Variants in RYR2 observed in about 807,000 individuals in gnomAD.
RYR2 encodes the protein ryanodine receptor 2, also known as cardiac muscle ryanodine receptor-calcium release channel.
Under a neutral mutation model 601.1 loss-of-function variants are expected in RYR2, and 227 were observed. The ratio of observed to expected loss-of-function variants is 0.38; its 90% confidence interval spans 0.34 to 0.42. The LOEUF is 0.42. Among genes scored for constraint, RYR2 ranks in the 10% least tolerant of loss-of-function variants. The pLI is 1.00. For synonymous variants in RYR2, 2,223 were observed against 2,175.1 expected, an observed-to-expected ratio of 1.02 and a Z score of -0.61; for missense variants, 4,646 against 6,156.5, an observed-to-expected ratio of 0.75 and a Z score of 8.21.
chr1:237,405,785 G>A (rs1429474889), intron 10 of RYR2, among the ~76,000 whole-genome samples: 2 of 151,726 alleles, frequency 1.3e-5, no homozygotes, highest in African/African-American at 4.8e-5. Flanking sequence ...CCTGTTTACT[G>A]TGATTTGAGG....
In RYR2 at chr1:237,711,890, A is replaced by G. The variant is rs140995784; in HGVS notation, c.10323+53A>G. 347 of 833,570 alleles carry G rather than the reference A, an allele frequency of 4.2e-4. 2 individuals carry two copies. Among genetic ancestry groups the G allele is most frequent in the African/African-American group, 3.2e-3 (185 of 58,530 alleles). The allele number at this position is 833,570 out of a possible 1,614,324, so 51.6% of individuals were successfully genotyped here. The stretch of plus-strand genomic sequence containing the variant: ...TGGAAAATATCTGAATGTGACTTTC[A>G]TGAATTGACTTTTTTTTTTTAGATT... On this transcript the variant is annotated intron_variant, in intron 71 of 104. Coordinates refer to ENST00000366574, the MANE Select transcript of RYR2 (RefSeq NM_001035.3).
At chr1:237,112,108 C>T (rs892029527) in intron 1 of RYR2, among the ~76,000 whole-genome samples, 3 of 152,002 alleles carry the variant, frequency 2.0e-5, no homozygotes, top group Admixed American at 6.6e-5. Flanking sequence ...TTGCTACTTC[C>T]CCTACTCTTT....
intron 79 of RYR2, among the ~76,000 whole-genome samples, chr1:237,735,955 A>G (rs1691103909): frequency 6.6e-6 from 1 of 152,262 alleles, no homozygotes; most frequent in Admixed American, 6.5e-5. Context: ...GTATATTTAT[A>G]GAAACATAAA....
chr1:237,799,174 T>C (rs1346659356), intron 97 of RYR2, among the ~76,000 whole-genome samples: 1 of 152,180 alleles, frequency 6.6e-6, no homozygotes, highest in Non-Finnish European at 1.5e-5. Flanking sequence ...TCCAAAATAT[T>C]ACTTGAGTAC....
intron 17 of RYR2, 56 bp downstream of exon 17, chr1:237,469,243 T>G: frequency 3.0e-6 from 2 of 658,520 alleles, no homozygotes; most frequent in Non-Finnish European, 2.4e-6. Context: ...TTTCTTTGCT[T>G]CGTATCCTTT....
Position 237,660,861 on chromosome 1 carries a change from G to T in RYR2, c.8350G>T (p.Ala2784Ser), listed in dbSNP as rs1458501318. The T allele has an allele frequency of 2.6e-6, 4 of 1,546,120 alleles. No individual in the cohort carries two copies. In the East Asian group the frequency reaches 9.8e-5, roughly 38 times the overall value. The change falls in exon 56 of 105, where the codon GCT becomes TCT. Residue 2784 changes from alanine (A) to serine (S), a missense_variant. Around this residue, in one of 17 missense-constraint regions of RYR2, gnomAD observed 1,497 missense variants for 1,842.6 expected, o/e 0.81. Coordinates refer to ENST00000366574, the MANE Select transcript of RYR2 (RefSeq NM_001035.3). The stretch of plus-strand genomic sequence containing the variant: ...CAAAGAATCTTTAAAAACTATGCTG[G>T]CTTGGGGCTGGAGAATTGAAAGAAC... ...PIKESLKTML[A>S]WGWRIERTRE...
intron 14 of RYR2, among the ~76,000 whole-genome samples, chr1:237,450,086 T>C (rs1355308236): frequency 6.6e-6 from 1 of 152,142 alleles, no homozygotes; most frequent in Non-Finnish European, 1.5e-5. Context: ...AGTTTTCCAG[T>C]CTGGCTGCTG....
At chr1:237,168,120 T>C (rs1383243972) in intron 1 of RYR2, among the ~76,000 whole-genome samples, 10 of 152,148 alleles carry the variant, frequency 6.6e-5, no homozygotes, top group Non-Finnish European at 1.3e-4. Flanking sequence ...CAGTGTGTCT[T>C]GGAAAAGGCC....
intron 29 of RYR2, among the ~76,000 whole-genome samples, chr1:237,578,931 C>G (rs1673579010): frequency 6.6e-6 from 1 of 152,128 alleles, no homozygotes; most frequent in African/African-American, 2.4e-5. Context: ...TCCTTGATGA[C>G]CTCTTGGGTT....
chr1:237,447,538 A>C (rs1188941277), intron 14 of RYR2, among the ~76,000 whole-genome samples: 2 of 152,166 alleles, frequency 1.3e-5, no homozygotes, highest in African/African-American at 4.8e-5. Context: ...GTCATGATAA[A>C]ATAGGATGGT....
intron 100 of RYR2, among the ~76,000 whole-genome samples, chr1:237,816,401 C>T (rs1368127705): frequency 6.6e-6 from 1 of 152,094 alleles, no homozygotes; most frequent in Non-Finnish European, 1.5e-5. Context: ...AAAAGCAATC[C>T]AGGCTAGGCA....
chr1:237,146,583 C>G (rs1417212622), intron 1 of RYR2, among the ~76,000 whole-genome samples: 1 of 152,170 alleles, frequency 6.6e-6, no homozygotes, highest in African/African-American at 2.4e-5. Context: ...TTTTTCTTGA[C>G]TAGTTCAATT....
chr1:237,801,801 T>TA, intron 97 of RYR2, 55 bp from the exon 98 acceptor site: 1 of 1,145,316 alleles, frequency 8.7e-7, no homozygotes, highest in Non-Finnish European at 1.3e-6. Context: ...CTCGCAAGCC[T>TA]ATGAGTCTTT....
chr1:237,648,972 T>C (rs918412156), intron 49 of RYR2, among the ~76,000 whole-genome samples: 2 of 152,224 alleles, frequency 1.3e-5, no homozygotes, highest in African/African-American at 4.8e-5. Context: ...TAAACAATTA[T>C]GCTTCTCAAT....
In RYR2 at chr1:237,327,123, G is replaced by T. The variant is rs568437555; in HGVS notation, c.169-3755G>T. ...ACAGACAACACTACAAATCTCTGATGTGTATTAAGTTTTCCTGAAAGGTAA... is the reference window on the plus strand; with the variant it reads ...ACAGACAACACTACAAATCTCTGATTTGTATTAAGTTTTCCTGAAAGGTAA... On this transcript the variant is annotated intron_variant, in intron 2 of 104. Transcript: ENST00000366574. Among the ~76,000 whole-genome samples the T allele has an allele frequency of 9.2e-5, 14 of 152,182 alleles. No individual in the cohort carries two copies. The East Asian group carries it at 1.9e-3, about 21-fold the overall frequency.
intron 17 of RYR2, among the ~76,000 whole-genome samples, chr1:237,486,066 A>G (rs1662654259): frequency 6.6e-6 from 1 of 152,192 alleles, no homozygotes; most frequent in Non-Finnish European, 1.5e-5. Context: ...AATTTTAACA[A>G]TTAGATTTAG....
intron 1 of RYR2, among the ~76,000 whole-genome samples, chr1:237,081,632 C>G (rs1665684992): frequency 6.6e-6 from 1 of 151,922 alleles, no homozygotes; most frequent in South Asian, 2.1e-4. Context: ...CACACACTCT[C>G]TCTCTCCCTC....
At chr1:237,196,607 A>T (rs546402511) in intron 1 of RYR2, among the ~76,000 whole-genome samples, 7 of 152,258 alleles carry the variant, frequency 4.6e-5, no homozygotes, top group Non-Finnish European at 7.4e-5. Flanking sequence ...CATATATCAA[A>T]TTGTCCTACA....
intron 16 of RYR2, 121 bp downstream of exon 16, chr1:237,456,856 C>T: frequency 9.3e-7 from 1 of 1,076,894 alleles, no homozygotes; most frequent in South Asian, 2.0e-5. Context: ...GTGGGAGGAT[C>T]ATTTGAGGCC....
Sources: gnomAD v4.1 joint callset for allele counts (sites outside exome capture counted in the v4.1 genomes callset) on GRCh38, gnomAD v4.1.1 for gene constraint, gnomAD v4.1.1 regional missense constraint, MANE v1.5 for transcripts, NCBI Gene and HGNC (gene_info 2026-07-23, HGNC 2026-07-21) for gene names.